Variants in ZNF385D observed in about 807,000 individuals in gnomAD.
ZNF385D encodes the protein zinc finger protein 659.
In ZNF385D, 15 loss-of-function variants were observed where a neutral mutation model predicts 35.8. The observed-to-expected ratio is 0.42, with a 90% CI of 0.28 to 0.64. The LOEUF is 0.64. Among genes scored for constraint, ZNF385D ranks in the 30% least tolerant of loss-of-function variants. The pLI is 0.23. For missense variants in ZNF385D, 474 were observed against 494.6 expected (o/e 0.96, Z 0.39); for synonymous variants, 212 against 186.8 (o/e 1.13, Z -1.10).
chr3:21,947,022 A>G (rs1701822690), intron 3 of ZNF385D, among the ~76,000 whole-genome samples: 1 of 152,126 alleles, frequency 6.6e-6, no homozygotes, highest in Non-Finnish European at 1.5e-5. Context: ...CAGTTTGAGT[A>G]TGCCTGAGAA....
At chr3:22,062,899 C>T (rs751112834) in intron 3 of ZNF385D, among the ~76,000 whole-genome samples, 6 of 152,186 alleles carry the variant, frequency 3.9e-5, no homozygotes, top group Non-Finnish European at 8.8e-5. Flanking sequence ...ATGTATCCTT[C>T]AGCCCTAGTT....
chr3:22,191,050 A>T lies in ZNF385D; in HGVS notation c.107-22015T>A, dbSNP rs138799042. ...AAATTGGCAGTAATTATTGTTTAAC[A>T]TGGTGAATTAAGTTAAATACAGAAT... is the stretch of plus-strand genomic sequence containing the variant. On this transcript the variant is annotated intron_variant, in intron 2 of 5. Transcript: ENST00000494108. 1.2e-3 allele frequency among the ~76,000 whole-genome samples: 177 copies of T among 152,316 alleles called. 2 individuals carry two copies. The highest frequency in any genetic ancestry group is 4.0e-3 in the African/African-American group (168 of 41,586).
At chr3:21,684,423 CT>C (rs1375959744) in intron 1 of ZNF385D, among the ~76,000 whole-genome samples, 11 of 91,948 alleles carry the variant, frequency 1.2e-4, no homozygotes, top group East Asian at 3.6e-4. Context: ...CTCTCTCTCT[CT>C]CTCTCTCCTC....
intron 4 of ZNF385D, among the ~76,000 whole-genome samples, chr3:21,498,928 AG>A (rs1706138522): frequency 7.1e-6 from 1 of 140,722 alleles, no homozygotes; most frequent in African/African-American, 2.7e-5. Flanking sequence ...GCCTGATGAC[AG>A]AGCAAGACTC....
intron 2 of ZNF385D, among the ~76,000 whole-genome samples, chr3:22,222,496 G>A (rs1215573288): frequency 6.6e-6 from 1 of 152,066 alleles, no homozygotes. Flanking sequence ...ATCTACAAAA[G>A]GATGATGACA....
chr3:21,862,868 T>C (rs563106833), intron 3 of ZNF385D, among the ~76,000 whole-genome samples: 13 of 152,182 alleles, frequency 8.5e-5, no homozygotes, highest in Non-Finnish European at 1.8e-4. Context: ...TTAGCTCAGT[T>C]ACAAGTGGTC....
chr3:22,299,591 A>T lies in ZNF385D; in HGVS notation c.106+72859T>A, dbSNP rs372859003. On this transcript the variant is annotated intron_variant, in intron 2 of 5. Transcript: ENST00000494108. The stretch of plus-strand genomic sequence containing the variant: ...AGAAAACCCTGAAGACTTCACTAGA[A>T]AACTGTTAGAACTAATAAATGAATT... Among the ~76,000 whole-genome samples, 4 of 151,938 alleles carry T rather than the reference A, an allele frequency of 2.6e-5. No homozygotes were observed. The South Asian group carries it at 8.3e-4, about 31-fold the overall frequency.
chr3:22,312,782 G>A (rs1345693500), intron 2 of ZNF385D, among the ~76,000 whole-genome samples: 4 of 146,954 alleles, frequency 2.7e-5, no homozygotes, highest in African/African-American at 5.1e-5. Flanking sequence ...GGAGAAATAG[G>A]AACACTTTTA....
chr3:22,349,484 CTG>C (rs1472052991), intron 2 of ZNF385D, among the ~76,000 whole-genome samples: 1 of 152,140 alleles, frequency 6.6e-6, no homozygotes, highest in African/African-American at 2.4e-5. Flanking sequence ...CTGGTGATAT[CTG>C]TGTTTCCTAC....
chr3:21,996,857 GATTA>G (rs142563820), intron 3 of ZNF385D, among the ~76,000 whole-genome samples: 56 of 152,218 alleles, frequency 3.7e-4, no homozygotes, highest in African/African-American at 1.3e-3. Context: ...AAAGAGAAGC[GATTA>G]ATTTATTGCT....
chr3:22,136,327 G>T (rs968989383), intron 3 of ZNF385D, among the ~76,000 whole-genome samples: 3 of 152,036 alleles, frequency 2.0e-5, no homozygotes, highest in Non-Finnish European at 4.4e-5. Flanking sequence ...GGCAGAGGTT[G>T]CACTGAGCCA....
chr3:21,621,889 GT>G (rs2065018430), intron 2 of ZNF385D, among the ~76,000 whole-genome samples: 1 of 151,986 alleles, frequency 6.6e-6, no homozygotes, highest in Non-Finnish European at 1.5e-5. Context: ...GTGTGTGTGT[GT>G]GTGTGCGTGC....
At chr3:21,647,602 A>G (rs1450491828) in intron 2 of ZNF385D, among the ~76,000 whole-genome samples, 2 of 152,174 alleles carry the variant, frequency 1.3e-5, no homozygotes, top group African/African-American at 2.4e-5. Context: ...AATCCCTAAA[A>G]TAATGATTTC....
chr3:21,592,622 A>C (rs1256476059), intron 2 of ZNF385D, among the ~76,000 whole-genome samples: 6 of 151,902 alleles, frequency 3.9e-5, no homozygotes, highest in Non-Finnish European at 8.8e-5. Context: ...AAAAGAGAAC[A>C]AAAAAAATCT....
intron 3 of ZNF385D, among the ~76,000 whole-genome samples, chr3:22,092,287 T>C (rs1049485182): frequency 2.0e-5 from 3 of 152,306 alleles, no homozygotes; most frequent in East Asian, 3.9e-4. Flanking sequence ...GAAGGATGAA[T>C]GGGTTTCTCT....
chr3:21,503,775 ATTATCT>A (rs889704501), intron 4 of ZNF385D, among the ~76,000 whole-genome samples: 5 of 152,118 alleles, frequency 3.3e-5, no homozygotes, highest in Admixed American at 2.0e-4. Flanking sequence ...TCATTAGAAA[ATTATCT>A]TTATTACTCT....
At chr3:22,241,138 A>G (rs943047179) in intron 2 of ZNF385D, among the ~76,000 whole-genome samples, 2 of 151,178 alleles carry the variant, frequency 1.3e-5, no homozygotes, top group African/African-American at 4.9e-5. Flanking sequence ...TCCTTATTGT[A>G]TTCTAAGAAA....
intron 2 of ZNF385D, among the ~76,000 whole-genome samples, chr3:21,631,018 A>G (rs1365237642): frequency 6.6e-6 from 1 of 152,076 alleles, no homozygotes; most frequent in Non-Finnish European, 1.5e-5. Flanking sequence ...CAACTTTTCA[A>G]CTCATATGAG....
At chr3:22,331,286 C>G (rs773164708) in intron 2 of ZNF385D, among the ~76,000 whole-genome samples, 2 of 151,988 alleles carry the variant, frequency 1.3e-5, no homozygotes, top group Non-Finnish European at 2.9e-5. Flanking sequence ...AGTGCTAGAA[C>G]TATACATGAA....
Sources: allele counts gnomAD v4.1 joint callset (sites outside exome capture counted in the v4.1 genomes callset), GRCh38; gene constraint gnomAD v4.1.1; transcripts MANE v1.5; gene names NCBI Gene and HGNC (gene_info 2026-07-23, HGNC 2026-07-21).